The following BAZ1A variants were observed in gnomAD, a reference collection of about 807,000 sequenced individuals.
BAZ1A encodes bromodomain adjacent to zinc finger domain protein 1A.
A neutral mutation model predicts 185.2 loss-of-function variants in BAZ1A; 50 were observed. The observed-to-expected ratio is 0.27, with a 90% CI of 0.22 to 0.34. The LOEUF (loss-of-function observed/expected upper bound fraction) is 0.34. Ranked by LOEUF, BAZ1A falls within the 10% of genes least tolerant of loss-of-function variation. The probability of loss-of-function intolerance (pLI) is 1.00; values close to 1 mark genes in which losing one functional copy is unlikely to be tolerated. For missense variants in BAZ1A, 1,356 were observed against 1,839.9 expected, an observed-to-expected ratio of 0.74 and a Z score of 4.81; for synonymous variants, 571 against 615.6, an observed-to-expected ratio of 0.93 and a Z score of 1.07.
intron 6 of BAZ1A, among the ~76,000 whole-genome samples, chr14:34,804,266 C>T (rs1023905378): frequency 2.6e-5 from 4 of 152,168 alleles, no homozygotes; most frequent in African/African-American, 9.7e-5. Flanking sequence ...CCTTGGCCTC[C>T]CAAAGTGCTG....
chr14:34,775,776 A>T (rs1355271410), intron 18 of BAZ1A, 143 bp downstream of exon 18: 1 of 641,464 alleles, frequency 1.6e-6, no homozygotes, highest in Non-Finnish European at 2.7e-6. Context: ...CCAAACTCTA[A>T]CTTGCAAACT....
Position 34,773,555 on chromosome 14 carries a change from G to GA in BAZ1A, c.3152+16dup. The GA allele has an allele frequency of 6.6e-7, 1 of 1,508,370 alleles. No individual in the cohort carries two copies. Among genetic ancestry groups the GA allele is most frequent in the South Asian group, 1.3e-5 (1 of 79,540 alleles). The allele number at this position is 1,508,370 out of a possible 1,614,324, so 93.4% of individuals were successfully genotyped here. A position where few individuals can be genotyped will look rare whatever the true frequency, so the allele number is the denominator to read the frequency against. On this transcript the variant is annotated intron_variant, in intron 20 of 26. Coordinates refer to ENST00000360310, the MANE Select transcript of BAZ1A (RefSeq NM_013448.3). Reference sequence around the variant, plus strand: ...GCAAGGAAAAGTAATGGTTACTTTAGAAAAATCTTTTTGTACCTGTCTTTT... The same window carrying GA: ...GCAAGGAAAAGTAATGGTTACTTTAGAAAAAATCTTTTTGTACCTGTCTTTT...
rs552445926 is a variant in BAZ1A at position 34,874,112 on chromosome 14, G to A, written c.113+380C>T. Among the ~76,000 whole-genome samples the A allele has an allele frequency of 6.6e-6, 1 of 152,060 alleles. No homozygotes were observed. The highest frequency in any genetic ancestry group is 2.1e-4 in the South Asian group (1 of 4,790). ...GACCCTAGCGGGGATCCCCTCGGCC[G>A]CCGGGAGGGGATCCCGGAACTGGCC... On this transcript the variant is annotated intron_variant, in intron 2 of 26. Coordinates refer to ENST00000360310, the MANE Select transcript of BAZ1A (RefSeq NM_013448.3). This position sits in a 1 kb window ranked among gnomAD's most constrained non-coding sequence, Gnocchi z 4.7.
At chr14:34,846,736 G>A (rs1193506832) in intron 3 of BAZ1A, among the ~76,000 whole-genome samples, 3 of 152,060 alleles carry the variant, frequency 2.0e-5, no homozygotes, top group Admixed American at 2.0e-4. Flanking sequence ...CAATCCAGGA[G>A]CCAATTAGGT....
At chr14:34,759,993 AT>A (rs1566543998) in intron 24 of BAZ1A, among the ~76,000 whole-genome samples, 1 of 152,094 alleles carries the variant, frequency 6.6e-6, no homozygotes, top group African/African-American at 2.4e-5. Flanking sequence ...TAATTTTAAT[AT>A]CTAGATAATG....
Position 34,765,014 on chromosome 14 carries a change from A to G in BAZ1A, c.3549+7T>C. 6.2e-7 allele frequency: 1 copy of G among 1,613,600 alleles called. No homozygotes were observed. Among genetic ancestry groups the G allele is most frequent in the Non-Finnish European group, 8.5e-7 (1 of 1,179,896 alleles). ...TCATTTCTAATCTGATAAGAAGAAA[A>G]AAATACCTTGAGCTTTGGTCGAACA... On this transcript the variant is annotated splice_region_variant and intron_variant, in intron 22 of 26. Transcript: ENST00000360310.
chr14:34,819,131 ACT>A (rs1448085386), intron 4 of BAZ1A, among the ~76,000 whole-genome samples: 6 of 115,812 alleles, frequency 5.2e-5, no homozygotes, highest in African/African-American at 1.0e-4. Flanking sequence ...ACAGAGCAAG[ACT>A]CTGTCTCAAA....
Position 34,811,049 on chromosome 14 carries a change from G to A in BAZ1A, c.537-13C>T, listed in dbSNP as rs1409864875. On this transcript the variant is annotated splice_polypyrimidine_tract_variant and intron_variant, in intron 4 of 26. Transcript: ENST00000360310. ...ATCTTTTTTCTTCCTAAAAAGAAGAGGGAAAAGACACAAATCAGTTAATAA... is the reference window on the plus strand; with the variant it reads ...ATCTTTTTTCTTCCTAAAAAGAAGAAGGAAAAGACACAAATCAGTTAATAA... 5 of 1,493,536 alleles carry A rather than the reference G, an allele frequency of 3.3e-6. No homozygotes were observed. The highest frequency in any genetic ancestry group is 1.4e-5 in the African/African-American group (1 of 71,524). The allele number at this position is 1,493,536 out of a possible 1,614,324, so 92.5% of individuals were successfully genotyped here. A position where few individuals can be genotyped will look rare whatever the true frequency, so the allele number is the denominator to read the frequency against.
At chr14:34,762,321 C>T (rs10150630) in intron 23 of BAZ1A, 98 bp from the exon 24 acceptor site, 29,424 of 1,170,124 alleles carry the variant, frequency 0.025, 483 homozygotes, top group African/African-American at 0.054. Context: ...TGAGTTTATA[C>T]AAATTTTCTA....
intron 3 of BAZ1A, among the ~76,000 whole-genome samples, chr14:34,856,324 TCA>T (rs1240935713): frequency 9.6e-6 from 1 of 104,368 alleles, no homozygotes; most frequent in Non-Finnish European, 2.0e-5. Context: ...GATCTTACTG[TCA>T]CCTAGGCTGC....
chr14:34,777,345 T>C lies in BAZ1A; in HGVS notation c.2237-830A>G, dbSNP rs1042844544. 2.6e-5 allele frequency among the ~76,000 whole-genome samples: 4 copies of C among 152,334 alleles called. No individual in the cohort carries two copies. The South Asian group carries it at 8.3e-4, about 32-fold the overall frequency. On this transcript the variant is annotated intron_variant, in intron 17 of 26. Coordinates refer to ENST00000360310, the MANE Select transcript of BAZ1A (RefSeq NM_013448.3). ...GTATCATTCTTCTTTTTTCCAGCCA[T>C]TTAAATTGTAAAAATCCGGCTGGCG...
At chr14:34,871,765 C>A (rs528135925) in intron 2 of BAZ1A, among the ~76,000 whole-genome samples, 14 of 152,120 alleles carry the variant, frequency 9.2e-5, no homozygotes, top group Non-Finnish European at 1.5e-4. Flanking sequence ...TCCAGCTACT[C>A]GGGAGGCTGA....
At chr14:34,754,433 G>GAA (rs1886153252) in intron 26 of BAZ1A, among the ~76,000 whole-genome samples, 1 of 132,140 alleles carries the variant, frequency 7.6e-6, no homozygotes, top group Non-Finnish European at 1.6e-5. Flanking sequence ...AAAAAAAAAA[G>GAA]AAAAAAGAAA....
intron 2 of BAZ1A, among the ~76,000 whole-genome samples, chr14:34,870,253 C>T (rs1050532327): frequency 2.6e-5 from 4 of 152,106 alleles, no homozygotes; most frequent in African/African-American, 7.2e-5. Context: ...AAAAGTAAAG[C>T]ATTTAGGAAT....
intron 26 of BAZ1A, 55 bp downstream of exon 26, chr14:34,754,772 C>G: frequency 8.2e-7 from 1 of 1,223,050 alleles, no homozygotes. Context: ...ATCAAAGATG[C>G]TATAACAAAA....
intron 9 of BAZ1A, 108 bp from the exon 10 acceptor site, chr14:34,795,873 AC>A (rs1287405226): frequency 6.7e-6 from 5 of 749,212 alleles, no homozygotes; most frequent in African/African-American, 1.8e-5. Context: ...CTTACCCCAT[AC>A]CTACTGAAGC....
chr14:34,779,806 A>AGG (rs1879920029), intron 17 of BAZ1A, among the ~76,000 whole-genome samples: 1 of 152,244 alleles, frequency 6.6e-6, no homozygotes, highest in African/African-American at 2.4e-5. Context: ...CATCCAATGC[A>AGG]TGCTGAATGA....
intron 3 of BAZ1A, among the ~76,000 whole-genome samples, chr14:34,856,717 G>A (rs1329862679): frequency 6.6e-6 from 1 of 151,750 alleles, no homozygotes; most frequent in African/African-American, 2.4e-5. Context: ...AATTAGCTGG[G>A]TGTGGTGGCG....
At chr14:34,799,348 C>T (rs1487547230) in intron 9 of BAZ1A, among the ~76,000 whole-genome samples, 2 of 151,998 alleles carry the variant, frequency 1.3e-5, no homozygotes, top group Non-Finnish European at 2.9e-5. Context: ...CAAACCTGCA[C>T]ATTGTGCACA....
Sources: allele counts gnomAD v4.1 joint callset (sites outside exome capture counted in the v4.1 genomes callset), GRCh38; gene constraint gnomAD v4.1.1; non-coding constraint Gnocchi (gnomAD v3.1); transcripts MANE v1.5; gene names NCBI Gene and HGNC (gene_info 2026-07-23, HGNC 2026-07-21).